The following AGPAT5 variants were observed in gnomAD, a reference collection of about 807,000 sequenced individuals.
The protein encoded by AGPAT5 is 1-acyl-sn-glycerol-3-phosphate acyltransferase epsilon.
A neutral mutation model predicts 45.6 loss-of-function variants in AGPAT5; 46 were observed. The ratio of observed to expected loss-of-function variants is 1.01; its 90% CI spans 0.80 to 1.29. The LOEUF is 1.29. Among genes scored for constraint, AGPAT5 ranks in the 50% most tolerant of loss-of-function variants. The probability of loss-of-function intolerance (pLI) is 0.00; values close to 1 mark genes in which losing one functional copy is unlikely to be tolerated. For missense variants in AGPAT5, 673 were observed against 450.7 expected, an observed-to-expected ratio of 1.49 and a Z score of -4.47; for synonymous variants, 272 against 167.0, an observed-to-expected ratio of 1.63 and a Z score of -4.85.
intron 2 of AGPAT5, among the ~76,000 whole-genome samples, chr8:6,728,110 TGAG>T (rs746726711): frequency 5.3e-5 from 8 of 152,210 alleles, no homozygotes; most frequent in Admixed American, 6.5e-5. Context: ...TGCTGTTTCA[TGAG>T]GATAGGGATG....
At position 6,708,796 on chromosome 8, in the gene AGPAT5, C is replaced by T. The variant is rs1308132779; in HGVS notation, c.128C>T (p.Pro43Leu). The change falls in exon 1 of 8, where the codon CCC (proline) becomes CTC (leucine). Residue 43 changes from proline (P) to leucine (L), a missense_variant. Pro to Leu is a moderately conservative substitution (Grantham distance 98). Transcript: ENST00000285518. ...TGGCGGCTGCTCTCCGCCTTCCTGC[C>T]CGCCCGCTTCTACCAAGCGCTGGAC... ...GVWRLLSAFL[P>L]ARFYQALDDR... 1.2e-6 allele frequency: 2 copies of T among 1,610,538 alleles called. No individual in the cohort carries two copies. Among genetic ancestry groups the T allele is most frequent in the Non-Finnish European group, 1.7e-6 (2 of 1,179,702 alleles).
At chr8:6,757,083 G>A in intron 7 of AGPAT5, 80 bp from the exon 8 acceptor site, 2 of 1,078,312 alleles carry the variant, frequency 1.9e-6, no homozygotes, top group South Asian at 3.1e-5. Flanking sequence ...TTTCCAGCGT[G>A]TAATAGCTAC....
At chr8:6,750,951 G>C (rs192040651) in intron 6 of AGPAT5, among the ~76,000 whole-genome samples, 2 of 151,904 alleles carry the variant, frequency 1.3e-5, no homozygotes, top group African/African-American at 4.8e-5. Flanking sequence ...ACATGTATAC[G>C]TGTGCACATA....
chr8:6,735,477 A>T (rs1801020265), intron 4 of AGPAT5, among the ~76,000 whole-genome samples: 2 of 152,152 alleles, frequency 1.3e-5, no homozygotes, highest in Non-Finnish European at 2.9e-5. Flanking sequence ...ACTGGCTCAT[A>T]CTTGGCTTTC....
At position 6,708,686 on chromosome 8, in the gene AGPAT5, G is replaced by A. The variant is rs780552456; in HGVS notation, c.18G>A (p.Val6=). The A allele has an allele frequency of 6.2e-7, 1 of 1,601,070 alleles. No homozygotes were observed. The change falls in exon 1 of 8, where the codon GTG becomes GTA. Residue 6 remains valine (V), a synonymous_variant. Transcript: ENST00000285518. ...CTGAGAAGATGCTGCTGTCCCTGGT[G>A]CTCCACACGTACTCCATGCGCTACC... The part of the protein sequence containing the change: MLLSL[V]LHTYSMRYLL...
intron 1 of AGPAT5, among the ~76,000 whole-genome samples, chr8:6,715,467 G>A (rs940511739): frequency 2.0e-5 from 3 of 152,176 alleles, no homozygotes; most frequent in African/African-American, 4.8e-5. Flanking sequence ...ACACTCAGTC[G>A]CAGTTAGTGA....
chr8:6,736,272 C>G (rs1018130828), intron 4 of AGPAT5, among the ~76,000 whole-genome samples: 3 of 152,188 alleles, frequency 2.0e-5, no homozygotes, highest in African/African-American at 7.2e-5. Context: ...TTTATTCAGA[C>G]TTTACCAGGT....
rs200547380 is a variant in AGPAT5 at position 6,741,712 on chromosome 8, A to G, written c.547A>G (p.Lys183Glu). The change falls in exon 5 of 8, where the codon AAA (lysine) becomes GAA (glutamate). Residue 183 changes from lysine (K) to glutamate (E), a missense_variant. Lys to Glu is a moderately conservative substitution (Grantham distance 56). Coordinates refer to ENST00000285518, the MANE Select transcript of AGPAT5 (RefSeq NM_018361.5). ...EGTRYNPEQTKVLSASQAFAA... is the reference protein window; with the variant it reads ...EGTRYNPEQTEVLSASQAFAA... ...TACAAGGTATAATCCAGAGCAAACA[A>G]AAGTCCTTTCAGCTAGTCAGGCATT... 3.1e-6 allele frequency: 5 copies of G among 1,612,860 alleles called. No homozygotes were observed. In the Admixed American group the frequency reaches 8.3e-5, roughly 27 times the overall value.
chr8:6,723,689 C>G (rs1800584536), intron 1 of AGPAT5, among the ~76,000 whole-genome samples: 1 of 152,186 alleles, frequency 6.6e-6, no homozygotes. Context: ...TGAATAAAAA[C>G]TCATTGTGCA....
intron 6 of AGPAT5, among the ~76,000 whole-genome samples, chr8:6,753,940 G>C (rs1801740703): frequency 6.6e-6 from 1 of 152,148 alleles, no homozygotes; most frequent in African/African-American, 2.4e-5. Context: ...GCAAAAACGG[G>C]AAGTGTGTGG....
intron 4 of AGPAT5, among the ~76,000 whole-genome samples, chr8:6,740,932 T>C (rs1490187199): frequency 6.6e-6 from 1 of 152,176 alleles, no homozygotes; most frequent in Non-Finnish European, 1.5e-5. Context: ...AAGTTATTAG[T>C]GTAGTTTTTG....
chr8:6,756,366 C>T (rs887196968), intron 7 of AGPAT5, among the ~76,000 whole-genome samples: 2 of 152,112 alleles, frequency 1.3e-5, no homozygotes, highest in African/African-American at 2.4e-5. Context: ...GTGGCTCATG[C>T]ATGTAATCCC....
At chr8:6,730,871 ATTTT>A (rs59149072) in intron 3 of AGPAT5, 45 bp downstream of exon 3, 98 of 935,670 alleles carry the variant, frequency 1.0e-4, no homozygotes, top group East Asian at 1.5e-4. Context: ...TAGTTTATAA[ATTTT>A]TTTTTTTTTT....
chr8:6,754,571 C>T (rs11992523), intron 6 of AGPAT5, among the ~76,000 whole-genome samples: 4,157 of 152,248 alleles, frequency 0.027, 184 homozygotes, highest in African/African-American at 0.096. Context: ...GAGGTGCCAT[C>T]GTGAGCCAGA....
In AGPAT5 at chr8:6,740,217, A is replaced by G. The variant is rs187084896; in HGVS notation, c.496-1444A>G. On this transcript the variant is annotated intron_variant, in intron 4 of 7. Coordinates refer to ENST00000285518, the MANE Select transcript of AGPAT5 (RefSeq NM_018361.5). Reference sequence around the variant, plus strand: ...TGAGAAATAATCGTTTTATTTATAAATGACTGAGTTGAAAGCTGATAGCCC... The same window carrying G: ...TGAGAAATAATCGTTTTATTTATAAGTGACTGAGTTGAAAGCTGATAGCCC... Among the ~76,000 whole-genome samples the G allele has an allele frequency of 2.5e-4, 38 of 152,162 alleles. No homozygotes were observed. The Middle Eastern group carries it at 0.017, about 68-fold the overall frequency.
chr8:6,709,259 G>GAGA, intron 1 of AGPAT5: 3 of 268,256 alleles, frequency 1.1e-5, no homozygotes, highest in Admixed American at 5.2e-5. Flanking sequence ...GATCGGAGAC[G>GAGA]TCTACACTCC....
chr8:6,710,410 C>T (rs904721090), intron 1 of AGPAT5, among the ~76,000 whole-genome samples: 3 of 152,168 alleles, frequency 2.0e-5, no homozygotes, highest in East Asian at 1.9e-4. Context: ...CACTAATTTT[C>T]ATGCATTTAT....
At chr8:6,746,958 G>T (rs960457551) in intron 5 of AGPAT5, among the ~76,000 whole-genome samples, 2 of 152,216 alleles carry the variant, frequency 1.3e-5, no homozygotes, top group South Asian at 2.1e-4. Context: ...GATAATTGCA[G>T]TAGTCCCCCA....
intron 2 of AGPAT5, among the ~76,000 whole-genome samples, chr8:6,725,253 A>G (rs2116881631): frequency 6.6e-6 from 1 of 152,304 alleles, no homozygotes; most frequent in East Asian, 1.9e-4. Context: ...TGTTTCTAGA[A>G]GTAGCATTGG....
Sources: gnomAD v4.1 joint callset for allele counts (sites outside exome capture counted in the v4.1 genomes callset) on GRCh38, gnomAD v4.1.1 for gene constraint, MANE v1.5 for transcripts, NCBI Gene and HGNC (gene_info 2026-07-23, HGNC 2026-07-21) for gene names.